The following CCDC82 variants were observed in gnomAD, a reference collection of about 807,000 sequenced individuals.
The protein encoded by CCDC82 is coiled-coil domain containing 82, also known as coiled-coil domain-containing protein 82.
CCDC82 carries 47 observed loss-of-function variants against 60.6 expected under a neutral mutation model. The observed-to-expected ratio is 0.77, with a 90% CI of 0.61 to 0.99. The LOEUF (loss-of-function observed/expected upper bound fraction) is 0.99, where lower values mean the gene tolerates loss of function less well. Among genes scored for constraint, CCDC82 ranks in the 50% least tolerant of loss-of-function variants. CCDC82 has a pLI of 0.00. For synonymous variants in CCDC82, 212 were observed against 207.4 expected (o/e 1.02, Z -0.19); for missense variants, 588 against 633.0 (o/e 0.93, Z 0.76).
intron 6 of CCDC82, among the ~76,000 whole-genome samples, 174 bp from the exon 7 acceptor site, chr11:96,371,311 G>A (rs1466312860): frequency 3.3e-5 from 5 of 152,106 alleles, no homozygotes; most frequent in South Asian, 2.1e-4. Flanking sequence ...GGCCGGGCAC[G>A]GTGCCTCATG....
intron 1 of CCDC82, chr11:96,388,028 A>T (rs1866298048): frequency 6.6e-6 from 1 of 152,254 alleles, no homozygotes; most frequent in South Asian, 2.1e-4. Flanking sequence ...CATTGGACCA[A>T]CTGCCAAATT....
At chr11:96,356,432 G>T in intron 9 of CCDC82, 1 of 985,062 alleles carries the variant, frequency 1.0e-6, no homozygotes, top group Non-Finnish European at 1.2e-6. Flanking sequence ...TTTACAGTAT[G>T]AATGGGCATC....
intron 8 of CCDC82, among the ~76,000 whole-genome samples, chr11:96,362,648 T>C (rs527898970): frequency 6.6e-6 from 1 of 152,278 alleles, no homozygotes; most frequent in South Asian, 2.1e-4. Flanking sequence ...CCTTAAACTT[T>C]ATCACAATCT....
At chr11:96,384,889 C>G in intron 3 of CCDC82, 128 bp from the exon 4 acceptor site, 1 of 574,142 alleles carries the variant, frequency 1.7e-6, no homozygotes, top group Non-Finnish European at 2.9e-6. Flanking sequence ...CATGAAATAT[C>G]TGAGTGAAGA....
chr11:96,365,042 A>G lies in CCDC82; in HGVS notation c.1318T>C (p.Ser440Pro), dbSNP rs145072428. 2 of 1,610,896 alleles carry G rather than the reference A, an allele frequency of 1.2e-6. No homozygotes were observed. Among genetic ancestry groups the G allele is most frequent in the African/African-American group, 2.7e-5 (2 of 74,986 alleles). ...HRYCKYSVHL[S>P]GELYNTRTMQ... is the part of the protein sequence containing the mutation. ...GTCCTGGTGTTATACAACTCTCCTGATAAATGCACTGAATATTTACAGTAG... is the reference window on the plus strand; with the variant it reads ...GTCCTGGTGTTATACAACTCTCCTGGTAAATGCACTGAATATTTACAGTAG... The change falls in exon 8 of 10, where the codon TCA becomes CCA. Residue 440 changes from serine to proline, a missense_variant. Ser to Pro is a moderately conservative substitution (Grantham distance 74). Transcript: ENST00000646818.
intron 7 of CCDC82, among the ~76,000 whole-genome samples, chr11:96,367,318 G>T (rs935349594): frequency 6.6e-6 from 1 of 152,174 alleles, no homozygotes; most frequent in African/African-American, 2.4e-5. Flanking sequence ...ATACAGAATA[G>T]AACTTATTTC....
intron 7 of CCDC82, among the ~76,000 whole-genome samples, chr11:96,366,787 T>C (rs1434441201): frequency 6.6e-6 from 1 of 152,186 alleles, no homozygotes; most frequent in Non-Finnish European, 1.5e-5. Context: ...TTAGTTTACA[T>C]GTAGATTACT....
chr11:96,363,765 T>C (rs1032725396), intron 8 of CCDC82: 17 of 152,214 alleles, frequency 1.1e-4, no homozygotes, highest in Non-Finnish European at 1.8e-4. Context: ...CTTGATAGCA[T>C]TGCATTTTAT....
intron 5 of CCDC82, chr11:96,380,979 T>C (rs758096775): frequency 6.6e-6 from 1 of 151,614 alleles, no homozygotes; most frequent in African/African-American, 2.4e-5. Flanking sequence ...TGAACTACAG[T>C]TAATAACTGT....
intron 8 of CCDC82, chr11:96,364,759 G>C (rs916478144): frequency 2.3e-6 from 1 of 437,264 alleles, no homozygotes; most frequent in African/African-American, 2.1e-5. Context: ...TCTAGACTCT[G>C]ACATACTTCT....
chr11:96,356,333 A>G lies in CCDC82; in HGVS notation c.1567-2619T>C, dbSNP rs527681958. ...AGGAAGGCAAGGGATATCTAATTATAATTTTAAATTATTATGTATATGACA... is the reference window on the plus strand; with the variant it reads ...AGGAAGGCAAGGGATATCTAATTATGATTTTAAATTATTATGTATATGACA... On this transcript the variant is annotated intron_variant, in intron 9 of 9. Coordinates refer to ENST00000646818, the MANE Select transcript of CCDC82 (RefSeq NM_024725.4). 1.0e-5 allele frequency: 6 copies of G among 590,386 alleles called. No homozygotes were observed. The East Asian group carries it at 7.1e-4, about 70-fold the overall frequency. The allele number at this position is 590,386 out of a possible 1,614,324, so 36.6% of individuals were successfully genotyped here.
Position 96,368,117 on chromosome 11 carries a change from G to A in CCDC82, c.1209+2896C>T, listed in dbSNP as rs191644667. 3.4e-4 allele frequency among the ~76,000 whole-genome samples: 52 copies of A among 152,200 alleles called. No homozygotes were observed. In the East Asian group the frequency reaches 6.8e-3, roughly 20 times the overall value. On this transcript the variant is annotated intron_variant, in intron 7 of 9. Transcript: ENST00000646818. Reference sequence around the variant, plus strand: ...TTACAGGCCTGAGCCACCACACCTGGCCTGGAATTTATTTCCTAAATAATA... The same window carrying A: ...TTACAGGCCTGAGCCACCACACCTGACCTGGAATTTATTTCCTAAATAATA...
chr11:96,370,787 A>AT (rs1865220188), intron 7 of CCDC82, among the ~76,000 whole-genome samples: 1 of 152,210 alleles, frequency 6.6e-6, no homozygotes, highest in Non-Finnish European at 1.5e-5. Flanking sequence ...AGCCCTGGAG[A>AT]TGTTCTGAAG....
intron 9 of CCDC82, chr11:96,357,979 G>A (rs186367628): frequency 3.9e-4 from 389 of 985,390 alleles, no homozygotes; most frequent in South Asian, 6.6e-4. Context: ...TGTGGTGGGA[G>A]AAAAATTGTC....
intron 8 of CCDC82, chr11:96,364,475 T>G (rs1378255631): frequency 6.6e-6 from 1 of 152,094 alleles, no homozygotes; most frequent in Non-Finnish European, 1.5e-5. Context: ...GAGACAACTT[T>G]GGGTCTCTAC....
At chr11:96,377,536 C>G (rs1216351895) in intron 5 of CCDC82, among the ~76,000 whole-genome samples, 2 of 152,076 alleles carry the variant, frequency 1.3e-5, no homozygotes, top group African/African-American at 4.8e-5. Flanking sequence ...GTTTAAAATA[C>G]TGTCATGTAA....
intron 9 of CCDC82, chr11:96,357,724 G>T (rs1045785805): frequency 1.2e-5 from 12 of 985,096 alleles, no homozygotes; most frequent in African/African-American, 1.7e-5. Flanking sequence ...TAGAGGGTTG[G>T]CAACACTTAA....
chr11:96,371,563 T>C lies in CCDC82; in HGVS notation c.1085-426A>G, dbSNP rs907174904. ...CACCACTGTACTCCAGCCTGGGTGA[T>C]AGAGTGAGACTCCGTCTCAAAAAGT... On this transcript the variant is annotated intron_variant, in intron 6 of 9. Coordinates refer to ENST00000646818, the MANE Select transcript of CCDC82 (RefSeq NM_024725.4). Among the ~76,000 whole-genome samples, 18 of 152,330 alleles carry C rather than the reference T, an allele frequency of 1.2e-4. No individual in the cohort carries two copies. In the South Asian group the frequency reaches 1.2e-3, roughly 11 times the overall value.
chr11:96,371,978 A>G (rs1183063879), intron 6 of CCDC82, among the ~76,000 whole-genome samples: 1 of 152,174 alleles, frequency 6.6e-6, no homozygotes, highest in African/African-American at 2.4e-5. Flanking sequence ...TAACTAATAA[A>G]TTTATCATGT....
Sources: allele counts gnomAD v4.1 joint callset (sites outside exome capture counted in the v4.1 genomes callset), GRCh38; gene constraint gnomAD v4.1.1; transcripts MANE v1.5; gene names NCBI Gene and HGNC (gene_info 2026-07-23, HGNC 2026-07-21).